Variants in TANC2 observed in about 807,000 individuals in gnomAD.
The protein encoded by TANC2 is tetratricopeptide repeat, ankyrin repeat and coiled-coil containing 2, also known as protein TANC2.
Under a neutral mutation model 210.5 loss-of-function variants are expected in TANC2, and 26 were observed. The observed-to-expected ratio is 0.12, with a 90% CI of 0.09 to 0.17. TANC2 has a LOEUF of 0.17. Among genes scored for constraint, TANC2 ranks in the 10% least tolerant of loss-of-function variants. The pLI is 1.00. For missense variants in TANC2, 2,129 were observed against 2,608.9 expected (o/e 0.82, Z 4.01); for synonymous variants, 931 against 967.1 (o/e 0.96, Z 0.69).
intron 6 of TANC2, among the ~76,000 whole-genome samples, chr17:63,200,355 C>CAAAAAAAAAAAAAAAAAAAGAA (rs2041487741): frequency 1.1e-5 from 1 of 93,814 alleles, no homozygotes. Context: ...AACTCTGTCT[C>CAAAAAAAAAAAAAAAAAAAGAA]AAAAAAAAAA....
chr17:63,308,312 T>C (rs1157243786), intron 9 of TANC2, among the ~76,000 whole-genome samples: 1 of 152,228 alleles, frequency 6.6e-6, no homozygotes, highest in Non-Finnish European at 1.5e-5. Context: ...TGACAGGTCC[T>C]ACATATTTCT....
chr17:63,037,037 CACA>C (rs1265887657), intron 2 of TANC2, among the ~76,000 whole-genome samples: 1 of 151,906 alleles, frequency 6.6e-6, no homozygotes, highest in African/African-American at 2.4e-5. Flanking sequence ...GTAAGATATT[CACA>C]ACAATAACAA....
intron 5 of TANC2, chr17:63,154,317 A>G (rs1215713328): frequency 6.6e-6 from 1 of 152,134 alleles, no homozygotes. Flanking sequence ...GTCCAAAAAT[A>G]TATTGCCCTC....
rs1231292051 is a variant in TANC2, at chr17:63,111,737, A to AT, written c.322+12387dup. ...AAATTGCTTTTTATTTTATTTATTT[A>AT]TTTTTTTGAGACTGTATCTCACTCT... On this transcript the variant is annotated intron_variant, in intron 4 of 27. Transcript: ENST00000689528. Among the ~76,000 whole-genome samples the AT allele has an allele frequency of 2.6e-5, 4 of 151,454 alleles. No homozygotes were observed. In the South Asian group the frequency reaches 8.3e-4, roughly 32 times the overall value.
At chr17:63,308,909 A>G (rs1415184637) in intron 9 of TANC2, among the ~76,000 whole-genome samples, 2 of 152,172 alleles carry the variant, frequency 1.3e-5, no homozygotes, top group Non-Finnish European at 2.9e-5. Context: ...AATTAAAGAT[A>G]TAATTAATCC....
Position 63,200,667 on chromosome 17 carries a change from C to T in TANC2, c.583-104C>T, listed in dbSNP as rs1360346319. The T allele has an allele frequency of 6.0e-6, 6 of 1,002,832 alleles. No homozygotes were observed. The Admixed American group carries it at 1.4e-4, about 24-fold the overall frequency. 62.1% of individuals were successfully genotyped at this position (1,002,832 alleles called of 1,614,324 possible). ...AAATAGAGCCTAATAGATGTAAAAG[C>T]TATGCATGTAGTTTTTTTTTTCATC... is the stretch of plus-strand genomic sequence containing the variant. On this transcript the variant is annotated intron_variant, in intron 6 of 27. Coordinates refer to ENST00000689528, the Ensembl canonical transcript of TANC2.
chr17:62,984,179 A>G (rs549465158), intron 1 of TANC2, among the ~76,000 whole-genome samples: 3 of 151,978 alleles, frequency 2.0e-5, no homozygotes, highest in Admixed American at 2.0e-4. Context: ...GGTCTGTTGA[A>G]GTTTTCTATT....
chr17:62,987,900 G>T (rs2143526301), intron 1 of TANC2, among the ~76,000 whole-genome samples: 1 of 152,118 alleles, frequency 6.6e-6, no homozygotes, highest in African/African-American at 2.4e-5. Context: ...TTTTTTGTTT[G>T]TTTTGTTTGC....
At chr17:63,122,673 A>G (rs2038532376) in intron 4 of TANC2, among the ~76,000 whole-genome samples, 1 of 151,788 alleles carries the variant, frequency 6.6e-6, no homozygotes, top group Non-Finnish European at 1.5e-5. Flanking sequence ...TAGAGGTTAT[A>G]GTGAGCCGAG....
At chr17:62,991,026 A>G (rs772464321) in intron 1 of TANC2, among the ~76,000 whole-genome samples, 4 of 152,140 alleles carry the variant, frequency 2.6e-5, no homozygotes, top group Non-Finnish European at 4.4e-5. Context: ...TTGGTATATC[A>G]CTAACTAATA....
chr17:63,419,968 C>G lies in TANC2; in HGVS notation c.4269-31C>G. ...TGATTTCTCTGGATTCAGAATAACT[C>G]CAGTTCCTGTGTTCACATTTTGTCA... On this transcript the variant is annotated intron_variant, in intron 27 of 27. Coordinates refer to ENST00000689528, the Ensembl canonical transcript of TANC2. The G allele has an allele frequency of 3.3e-6, 5 of 1,507,548 alleles. No homozygotes were observed. In the East Asian group the frequency reaches 7.4e-5, roughly 22 times the overall value. The allele number at this position is 1,507,548 out of a possible 1,614,324, so 93.4% of individuals were successfully genotyped here. A position where few individuals can be genotyped will look rare whatever the true frequency, so the allele number is the denominator to read the frequency against.
chr17:63,335,146 A>G (rs1244884040), intron 11 of TANC2, among the ~76,000 whole-genome samples: 2 of 152,296 alleles, frequency 1.3e-5, no homozygotes, highest in African/African-American at 2.4e-5. Flanking sequence ...TCCAAACTCT[A>G]CCACCAGTAG....
chr17:63,133,060 G>A (rs549422239), intron 4 of TANC2, among the ~76,000 whole-genome samples: 1 of 152,110 alleles, frequency 6.6e-6, no homozygotes, highest in South Asian at 2.1e-4. Flanking sequence ...TGCAACCTCC[G>A]CCTTCTGGGT....
chr17:63,366,780 A>G (rs2047123319), intron 14 of TANC2, among the ~76,000 whole-genome samples: 1 of 152,214 alleles, frequency 6.6e-6, no homozygotes. Flanking sequence ...AAAACAGCAC[A>G]AGGGAACCAG....
At chr17:63,170,434 T>TA (rs761783557) in intron 5 of TANC2, among the ~76,000 whole-genome samples, 1,423 of 133,164 alleles carry the variant, frequency 0.011, 14 homozygotes, top group African/African-American at 0.031. Context: ...AGATTCCATT[T>TA]AAAAAAAAAA....
At chr17:63,256,314 T>A (rs914807741) in intron 8 of TANC2, among the ~76,000 whole-genome samples, 2 of 152,226 alleles carry the variant, frequency 1.3e-5, no homozygotes, top group Non-Finnish European at 2.9e-5. Flanking sequence ...TTTTAATTTG[T>A]TTCAAGAAAT....
At chr17:63,165,626 G>A (rs2040186049) in intron 5 of TANC2, among the ~76,000 whole-genome samples, 1 of 152,074 alleles carries the variant, frequency 6.6e-6, no homozygotes, top group African/African-American at 2.4e-5. Flanking sequence ...TATTTATTGT[G>A]CAACTTCTAG....
chr17:63,282,306 T>C (rs762195396), intron 9 of TANC2, among the ~76,000 whole-genome samples: 2 of 152,054 alleles, frequency 1.3e-5, no homozygotes, highest in Non-Finnish European at 2.9e-5. Context: ...TCACTACACA[T>C]TCTACAGACA....
chr17:63,413,388 T>G (rs1355749933), intron 24 of TANC2, 155 bp from the exon 25 acceptor site: 1 of 545,872 alleles, frequency 1.8e-6, no homozygotes, highest in Non-Finnish European at 3.3e-6. Context: ...CAGTGGGAGT[T>G]ACTAAAATAC....
Sources: allele counts gnomAD v4.1 joint callset (sites outside exome capture counted in the v4.1 genomes callset), GRCh38; gene constraint gnomAD v4.1.1; transcripts MANE v1.5; gene names NCBI Gene and HGNC (gene_info 2026-07-23, HGNC 2026-07-21).